Variants in EPM2A observed in about 807,000 individuals in gnomAD.
The protein encoded by EPM2A is laforin.
A neutral mutation model predicts 26.5 loss-of-function variants in EPM2A; 21 were observed. The ratio of observed to expected loss-of-function variants is 0.79; its 90% confidence interval spans 0.56 to 1.14. The LOEUF is 1.14. Ranked by LOEUF, EPM2A falls within the 50% of genes most tolerant of loss-of-function variation. The pLI is 0.00. For synonymous variants in EPM2A, 217 were observed against 177.6 expected (o/e 1.22, Z -1.76); for missense variants, 458 against 440.8 (o/e 1.04, Z -0.35).
intron 2 of EPM2A, among the ~76,000 whole-genome samples, chr6:145,603,679 T>C (rs1781446381): frequency 6.6e-6 from 1 of 152,226 alleles, no homozygotes; most frequent in South Asian, 2.1e-4. Context: ...TCTATTGAAA[T>C]TATCTGTTTA....
intron 2 of EPM2A, among the ~76,000 whole-genome samples, chr6:145,604,465 G>A (rs1351972081): frequency 6.6e-6 from 1 of 151,960 alleles, no homozygotes; most frequent in African/African-American, 2.4e-5. Context: ...GCTTTCACTG[G>A]CTCTTATAAA....
chr6:145,627,902 G>C (rs1343163768), intron 3 of EPM2A: 1 of 666,292 alleles, frequency 1.5e-6, no homozygotes. Context: ...CCAGAGGCCA[G>C]AGGCTCTCTC....
intron 1 of EPM2A, among the ~76,000 whole-genome samples, chr6:145,709,122 G>A (rs1242341311): frequency 6.6e-6 from 1 of 152,144 alleles, no homozygotes; most frequent in Admixed American, 6.5e-5. Flanking sequence ...GATTTGATAG[G>A]CTCATAGGCA....
intron 4 of EPM2A, among the ~76,000 whole-genome samples, chr6:145,402,922 T>C (rs1234892627): frequency 6.6e-6 from 1 of 152,148 alleles, no homozygotes; most frequent in African/African-American, 2.4e-5. Flanking sequence ...ATATGTGCAT[T>C]TGCAATTTTA....
chr6:145,670,783 G>A (rs56864636), intron 2 of EPM2A: 11,137 of 333,498 alleles, frequency 0.033, 1,235 homozygotes, highest in African/African-American at 0.23. Context: ...AATATATTTC[G>A]AAAACATAAG....
chr6:145,647,397 C>T (rs1777557353), intron 2 of EPM2A, among the ~76,000 whole-genome samples: 3 of 152,342 alleles, frequency 2.0e-5, no homozygotes, highest in South Asian at 4.1e-4. Flanking sequence ...ACCAAGCCTA[C>T]ATGATCTTCC....
intron 4 of EPM2A, among the ~76,000 whole-genome samples, chr6:145,384,842 A>T (rs1233259621): frequency 6.8e-6 from 1 of 147,928 alleles, no homozygotes; most frequent in Non-Finnish European, 1.5e-5. Context: ...AAGAAAGAGC[A>T]TCATATTGGA....
intron 2 of EPM2A, among the ~76,000 whole-genome samples, chr6:145,619,140 G>A (rs1047271431): frequency 2.0e-5 from 3 of 151,294 alleles, no homozygotes; most frequent in African/African-American, 7.3e-5. Flanking sequence ...GCTCAACAGA[G>A]AAAGTATGGG....
intron 4 of EPM2A, chr6:145,463,301 G>T (rs561117587): frequency 6.6e-6 from 1 of 151,922 alleles, no homozygotes; most frequent in South Asian, 2.1e-4. Context: ...TCCACATTAG[G>T]GGAAGTCACA....
chr6:145,384,940 G>C (rs1163393750), intron 4 of EPM2A, among the ~76,000 whole-genome samples: 1 of 147,352 alleles, frequency 6.8e-6, no homozygotes, highest in Non-Finnish European at 1.5e-5. Flanking sequence ...GTCTCCATAA[G>C]AACATAAATC....
At chr6:145,416,895 C>G (rs1244206702) in intron 4 of EPM2A, among the ~76,000 whole-genome samples, 2 of 151,394 alleles carry the variant, frequency 1.3e-5, no homozygotes, top group African/African-American at 4.9e-5. Flanking sequence ...CATTATATTC[C>G]CAGAGTAAAT....
In EPM2A at chr6:145,433,517, T is replaced by G. The variant is rs1582751394; in HGVS notation, c.556-49420A>C. On this transcript the variant is annotated intron_variant, in intron 4 of 4. Transcript: ENST00000638717. The stretch of plus-strand genomic sequence containing the variant: ...TTCTTCCCACCTTCTTATTAGCTTT[T>G]TAGTTATAAATGTTTGTTATTTTAA... Among the ~76,000 whole-genome samples the G allele has an allele frequency of 3.3e-5, 5 of 152,328 alleles. No homozygotes were observed. In the South Asian group the frequency reaches 1.0e-3, roughly 32 times the overall value.
intron 4 of EPM2A, among the ~76,000 whole-genome samples, chr6:145,428,446 A>G (rs964059819): frequency 4.4e-4 from 67 of 152,180 alleles, no homozygotes; most frequent in African/African-American, 1.4e-3. Context: ...ACGAGCGGTT[A>G]ATCTATTGTT....
At chr6:145,436,230 G>A (rs1778986939) in intron 4 of EPM2A, among the ~76,000 whole-genome samples, 1 of 152,080 alleles carries the variant, frequency 6.6e-6, no homozygotes, top group African/African-American at 2.4e-5. Context: ...ATCACATATT[G>A]TTTATTCAGT....
At chr6:145,408,038 A>G (rs946101217) in intron 4 of EPM2A, among the ~76,000 whole-genome samples, 1 of 152,218 alleles carries the variant, frequency 6.6e-6, no homozygotes, top group Non-Finnish European at 1.5e-5. Flanking sequence ...CCTCATCTTC[A>G]TGCCATTTGA....
Position 145,627,027 on chromosome 6 carries a change from A to C in EPM2A, c.*389T>G. 1.8e-6 allele frequency: 2 copies of C among 1,142,606 alleles called. No individual in the cohort carries two copies. Among genetic ancestry groups the C allele is most frequent in the Non-Finnish European group, 2.2e-6 (2 of 923,148 alleles). 70.8% of individuals were successfully genotyped at this position (1,142,606 alleles called of 1,614,324 possible). On this transcript the variant is annotated 3_prime_UTR_variant, in exon 4 of 4. Transcript: ENST00000367519. ...CTAGTGATGAAATCCACATAACTCC[A>C]TATCTTTTCCTCTACATGGCCAAGA...
chr6:145,533,849 T>G (rs1280741369), intron 2 of EPM2A, among the ~76,000 whole-genome samples: 1 of 152,170 alleles, frequency 6.6e-6, no homozygotes, highest in African/African-American at 2.4e-5. Flanking sequence ...GCTTGTTTAT[T>G]GTTTCTCTCT....
intron 1 of EPM2A, among the ~76,000 whole-genome samples, chr6:145,702,565 G>T (rs1391773447): frequency 6.6e-6 from 1 of 152,052 alleles, no homozygotes; most frequent in Non-Finnish European, 1.5e-5. Flanking sequence ...ATTTAACATA[G>T]AAACTATCAC....
At chr6:145,490,113 T>C in intron 4 of EPM2A, 1 of 1,189,872 alleles carries the variant, frequency 8.4e-7, no homozygotes. Flanking sequence ...TATATAATAG[T>C]CATTGATATG....
Sources: gnomAD v4.1 joint callset for allele counts (sites outside exome capture counted in the v4.1 genomes callset) on GRCh38, gnomAD v4.1.1 for gene constraint, MANE v1.5 for transcripts, NCBI Gene and HGNC (gene_info 2026-07-23, HGNC 2026-07-21) for gene names.